The following CFTR variants were observed in gnomAD, a reference collection of about 807,000 sequenced individuals.
CFTR encodes cystic fibrosis transmembrane conductance regulator.
In CFTR, 181 loss-of-function variants were observed where a neutral mutation model predicts 171.6. That is an observed-to-expected ratio of 1.05 (90% CI 0.93 to 1.19). CFTR has a LOEUF of 1.19. Ranked by LOEUF, CFTR falls within the 50% of genes most tolerant of loss-of-function variation. The pLI, the probability that CFTR is intolerant of heterozygous loss-of-function variation, is 0.00. For synonymous variants in CFTR, 583 were observed against 608.0 expected (o/e 0.96, Z 0.60); for missense variants, 1,968 against 1,734.7 (o/e 1.13, Z -2.39).
At chr7:117,518,569 C>CATAT (rs72291298) in intron 3 of CFTR, among the ~76,000 whole-genome samples, 2,075 of 142,038 alleles carry the variant, frequency 0.015, 57 homozygotes, top group African/African-American at 0.05. Context: ...TATATAAAAA[C>CATAT]ATATATATAT....
Position 117,590,213 on chromosome 7 carries a change from T to A in CFTR, c.1680-140T>A. The A allele has an allele frequency of 4.2e-6, 4 of 957,768 alleles. No individual in the cohort carries two copies. The Middle Eastern group carries it at 1.1e-3, about 269-fold the overall frequency. The allele number at this position is 957,768 out of a possible 1,614,324, so 59.3% of individuals were successfully genotyped here. ...ATAAAAGTGCTACTTCTGCACCACT[T>A]TTGAGAATAGTGTTATTTCAGTGAA... is the stretch of plus-strand genomic sequence containing the variant. On this transcript the variant is annotated intron_variant, in intron 12 of 26. Coordinates refer to ENST00000003084, the MANE Select transcript of CFTR (RefSeq NM_000492.4).
At chr7:117,522,918 C>G (rs1175958620) in intron 3 of CFTR, among the ~76,000 whole-genome samples, 1 of 152,030 alleles carries the variant, frequency 6.6e-6, no homozygotes, top group Non-Finnish European at 1.5e-5. Context: ...TTAGGGAAAA[C>G]TATAGAAGGG....
At chr7:117,529,897 G>T (rs1043985276) in intron 3 of CFTR, among the ~76,000 whole-genome samples, 1 of 152,060 alleles carries the variant, frequency 6.6e-6, no homozygotes, top group East Asian at 1.9e-4. Flanking sequence ...TCCTCTCAGG[G>T]TTACCCTCTG....
chr7:117,539,829 T>A (rs1358904140), intron 7 of CFTR, among the ~76,000 whole-genome samples: 1 of 151,066 alleles, frequency 6.6e-6, no homozygotes, highest in African/African-American at 2.4e-5. Flanking sequence ...TAATTATAAT[T>A]TAAAAATAAT....
At chr7:117,647,774 G>A (rs1452800700) in intron 23 of CFTR, among the ~76,000 whole-genome samples, 1 of 151,608 alleles carries the variant, frequency 6.6e-6, no homozygotes, top group Non-Finnish European at 1.5e-5. Flanking sequence ...TCCCACCTTG[G>A]CCTCCCAAAG....
chr7:117,540,089 G>C lies in CFTR; in HGVS notation c.870-11G>C. 1 of 1,608,176 alleles carries C rather than the reference G, an allele frequency of 6.2e-7. No homozygotes were observed. The highest frequency in any genetic ancestry group is 8.5e-7 in the Non-Finnish European group (1 of 1,175,016). ...TAACATCCTGAATTTTATTGTTATT[G>C]TTTTTTATAGAACAGAACTGAAACT... On this transcript the variant is annotated splice_polypyrimidine_tract_variant and intron_variant, in intron 7 of 26. Transcript: ENST00000003084.
chr7:117,571,932 G>A (rs983199124), intron 11 of CFTR, among the ~76,000 whole-genome samples: 3 of 151,948 alleles, frequency 2.0e-5, no homozygotes, highest in Non-Finnish European at 2.9e-5. Flanking sequence ...AATTGCATTC[G>A]AATTTGAGTT....
chr7:117,532,744 A>C (rs1163630995), intron 4 of CFTR, among the ~76,000 whole-genome samples: 2 of 152,142 alleles, frequency 1.3e-5, no homozygotes, highest in African/African-American at 4.8e-5. Context: ...TTCCTTTCTC[A>C]ATGTTGCATA....
intron 4 of CFTR, among the ~76,000 whole-genome samples, chr7:117,532,250 A>G (rs1396105172): frequency 2.0e-5 from 3 of 152,206 alleles, no homozygotes; most frequent in Non-Finnish European, 4.4e-5. Flanking sequence ...GAATCTACAC[A>G]GTTGGCATAT....
At chr7:117,566,165 G>T (rs1474352348) in intron 11 of CFTR, among the ~76,000 whole-genome samples, 2 of 151,986 alleles carry the variant, frequency 1.3e-5, no homozygotes, top group Non-Finnish European at 2.9e-5. Context: ...CAGGCGTGGT[G>T]TCTCATGCCT....
rs188039578 is a variant in CFTR at position 117,577,939 on chromosome 7, A to C, written c.1585-9800A>C. On this transcript the variant is annotated intron_variant, in intron 11 of 26. Transcript: ENST00000003084. ...AATCATCCCCTTTTACTTATGCAGG[A>C]TACCAAGTCTATCTTAGCACCATAA... Among the ~76,000 whole-genome samples the C allele has an allele frequency of 9.9e-5, 15 of 152,256 alleles. No homozygotes were observed. The East Asian group carries it at 1.4e-3, about 14-fold the overall frequency.
At position 117,611,663 on chromosome 7, in the gene CFTR, T is replaced by A. The variant is rs186045772; in HGVS notation, c.3222T>A (p.Phe1074Leu). 5.0e-6 allele frequency: 8 copies of A among 1,613,636 alleles called. No homozygotes were observed. Among genetic ancestry groups the A allele is most frequent in the Admixed American group, 3.3e-5 (2 of 59,888 alleles). The change falls in exon 20 of 27, where the codon TTT becomes TTA. Residue 1074 changes from phenylalanine (F) to leucine (L), a missense_variant. Phe to Leu is a conservative substitution (Grantham distance 22, BLOSUM62 0). Coordinates refer to ENST00000003084, the MANE Select transcript of CFTR (RefSeq NM_000492.4). Reference protein sequence around the residue: ...TLRAFGRQPYFETLFHKALNL... With the variant: ...TLRAFGRQPYLETLFHKALNL... ...GTGCCTTCGGACGGCAGCCTTACTT[T>A]GAAACTCTGTTCCACAAAGCTCTGA...
intron 3 of CFTR, among the ~76,000 whole-genome samples, chr7:117,529,436 C>T (rs1242874465): frequency 5.3e-5 from 7 of 131,446 alleles, no homozygotes; most frequent in African/African-American, 2.1e-4. Flanking sequence ...TTAGTGGGTG[C>T]AGCGCACCAG....
chr7:117,629,428 C>CA (rs1355011216), intron 22 of CFTR, among the ~76,000 whole-genome samples: 8 of 151,816 alleles, frequency 5.3e-5, no homozygotes, highest in Non-Finnish European at 7.4e-5. Context: ...TTTATAGACC[C>CA]AAAAAAAGGG....
Position 117,615,020 on chromosome 7 carries a change from A to G in CFTR, c.3468+307A>G, listed in dbSNP as rs35737756. 4.8e-3 allele frequency among the ~76,000 whole-genome samples: 738 copies of G among 152,188 alleles called. 4 individuals carry two copies. The highest frequency in any genetic ancestry group is 0.016 in the African/African-American group (674 of 41,530). On this transcript the variant is annotated intron_variant, in intron 21 of 26. Transcript: ENST00000003084. ...CATAGGATTCACCCATGCTTAACTG[A>G]GTGGTGCCAAATTGTCCTCAAGTCT...
At chr7:117,626,655 CATT>C (rs1373873823) in intron 21 of CFTR, among the ~76,000 whole-genome samples, 1 of 151,954 alleles carries the variant, frequency 6.6e-6, no homozygotes, top group African/African-American at 2.4e-5. Context: ...TTTATTTACT[CATT>C]AGTATATTCA....
intron 21 of CFTR, among the ~76,000 whole-genome samples, chr7:117,619,804 G>A (rs1281214097): frequency 6.6e-6 from 1 of 152,116 alleles, no homozygotes; most frequent in Non-Finnish European, 1.5e-5. Flanking sequence ...CTGTTAGTGA[G>A]GCTCTAGAAA....
At chr7:117,598,812 G>T (rs1468309735) in intron 15 of CFTR, among the ~76,000 whole-genome samples, 1 of 152,048 alleles carries the variant, frequency 6.6e-6, no homozygotes, top group East Asian at 1.9e-4. Flanking sequence ...AACTCGCTGG[G>T]CCCATTTTCT....
chr7:117,524,661 G>A (rs966338115), intron 3 of CFTR, among the ~76,000 whole-genome samples: 4 of 152,038 alleles, frequency 2.6e-5, no homozygotes, highest in Non-Finnish European at 4.4e-5. Context: ...GAGAAAGGTT[G>A]GCAAATACAT....
Sources: allele counts gnomAD v4.1 joint callset (sites outside exome capture counted in the v4.1 genomes callset), GRCh38; gene constraint gnomAD v4.1.1; transcripts MANE v1.5; gene names NCBI Gene and HGNC (gene_info 2026-07-23, HGNC 2026-07-21).